ATF1: variants seen among roughly 807,000 people sequenced by gnomAD.
ATF1 encodes the protein activating transcription factor 1, also known as cyclic AMP-dependent transcription factor ATF-1.
A neutral mutation model predicts 34.7 loss-of-function variants in ATF1; 16 were observed. That is an observed-to-expected ratio of 0.46 (90% CI 0.31 to 0.70). The LOEUF (loss-of-function observed/expected upper bound fraction) is 0.70, where lower values mean the gene tolerates loss of function less well. Among genes scored for constraint, ATF1 ranks in the 30% least tolerant of loss-of-function variants. The probability of loss-of-function intolerance (pLI) is 0.05; values close to 1 mark genes in which losing one functional copy is unlikely to be tolerated. For synonymous variants in ATF1, 105 were observed against 113.1 expected (o/e 0.93, Z 0.46); for missense variants, 255 against 321.6 (o/e 0.79, Z 1.58).
intron 1 of ATF1, among the ~76,000 whole-genome samples, chr12:50,768,592 T>A (rs1046844355): frequency 5.3e-5 from 8 of 152,232 alleles, no homozygotes; most frequent in Admixed American, 1.3e-4. Flanking sequence ...GTTATCATCA[T>A]CATCTGTCTT....
At chr12:50,789,040 C>G (rs1413375645) in intron 2 of ATF1, among the ~76,000 whole-genome samples, 1 of 151,698 alleles carries the variant, frequency 6.6e-6, no homozygotes, top group African/African-American at 2.4e-5. Flanking sequence ...GCGACTGATA[C>G]GTAGTTCAGT....
intron 6 of ATF1, among the ~76,000 whole-genome samples, 165 bp from the exon 7 acceptor site, chr12:50,819,470 T>C (rs892228106): frequency 1.3e-5 from 2 of 152,194 alleles, no homozygotes; most frequent in African/African-American, 2.4e-5. Flanking sequence ...GTATACACAA[T>C]TGCCAAAACT....
intron 3 of ATF1, among the ~76,000 whole-genome samples, chr12:50,808,358 C>T (rs1442464378): frequency 6.6e-6 from 1 of 151,812 alleles, no homozygotes; most frequent in African/African-American, 2.4e-5. Flanking sequence ...GATGGAATCT[C>T]ACTCTGTCGC....
chr12:50,814,420 A>T lies in ATF1; in HGVS notation c.652A>T (p.Ile218Leu). The T allele has an allele frequency of 6.2e-7, 1 of 1,614,108 alleles. No individual in the cohort carries two copies. The highest frequency in any genetic ancestry group is 8.5e-7 in the Non-Finnish European group (1 of 1,180,016). ...AGATGACCCCCAATTGAAAAGAGAAATAAGGTTAATGAAAAACAGGTAGGT... is the reference window on the plus strand; with the variant it reads ...AGATGACCCCCAATTGAAAAGAGAATTAAGGTTAATGAAAAACAGGTAGGT... ...KTDDPQLKRE[I>L]RLMKNREAAR... is the part of the protein sequence containing the mutation. The change falls in exon 6 of 7, where the codon ATA becomes TTA. Residue 218 changes from isoleucine to leucine, a missense_variant. Coordinates refer to ENST00000262053, the MANE Select transcript of ATF1 (RefSeq NM_005171.5).
chr12:50,783,920 C>T (rs1471212974), intron 2 of ATF1, among the ~76,000 whole-genome samples: 1 of 150,224 alleles, frequency 6.7e-6, no homozygotes, highest in Non-Finnish European at 1.5e-5. Flanking sequence ...ATAATCCCAG[C>T]ACTTTGGGAT....
Position 50,795,975 on chromosome 12 carries a change from GC to G in ATF1, c.163del (p.His55ThrfsTer4). On this transcript the variant is annotated frameshift_variant, in exon 3 of 7. Coordinates refer to ENST00000262053, the MANE Select transcript of ATF1 (RefSeq NM_005171.5). LOFTEE classifies it high-confidence loss of function. ...CGACAGCATAGGCTCCTCACAGAAA[GC>G]CCACGGGATCCTAGCACGGCGCCCA... The part of the protein sequence containing the change: ...SSDSIGSSQK[A>X]HGILARRPSY... The G allele has an allele frequency of 6.2e-7, 1 of 1,612,756 alleles. No individual in the cohort carries two copies. The highest frequency in any genetic ancestry group is 1.1e-5 in the South Asian group (1 of 90,986).
chr12:50,816,741 A>T (rs1160381749), intron 6 of ATF1, among the ~76,000 whole-genome samples: 1 of 151,998 alleles, frequency 6.6e-6, no homozygotes, highest in Non-Finnish European at 1.5e-5. Flanking sequence ...AAAAATTTAA[A>T]ACATTAGCTA....
At chr12:50,764,833 G>A (rs757441688) in intron 1 of ATF1, among the ~76,000 whole-genome samples, 1 of 152,258 alleles carries the variant, frequency 6.6e-6, no homozygotes, top group Non-Finnish European at 1.5e-5. Flanking sequence ...ACCGACGCAC[G>A]GGCATTGCGC....
At chr12:50,802,207 A>G (rs1175684760) in intron 3 of ATF1, among the ~76,000 whole-genome samples, 1 of 152,244 alleles carries the variant, frequency 6.6e-6, no homozygotes, top group Non-Finnish European at 1.5e-5. Flanking sequence ...ATACTTAGAT[A>G]TGAATTTAAC....
chr12:50,787,694 A>G (rs561316544), intron 2 of ATF1, among the ~76,000 whole-genome samples: 1 of 152,232 alleles, frequency 6.6e-6, no homozygotes, highest in African/African-American at 2.4e-5. Context: ...GTGAGCCAAC[A>G]TCGCACCACT....
At chr12:50,788,597 C>T (rs958969788) in intron 2 of ATF1, among the ~76,000 whole-genome samples, 1 of 152,060 alleles carries the variant, frequency 6.6e-6, no homozygotes, top group Non-Finnish European at 1.5e-5. Context: ...ATCCTCCTGC[C>T]TTTGCCTCCT....
At chr12:50,774,570 T>C (rs1232398030) in intron 1 of ATF1, among the ~76,000 whole-genome samples, 1 of 152,194 alleles carries the variant, frequency 6.6e-6, no homozygotes, top group Non-Finnish European at 1.5e-5. Flanking sequence ...ATTTATTCTG[T>C]ATTGAACAAG....
chr12:50,769,178 A>C (rs1197808580), intron 1 of ATF1, among the ~76,000 whole-genome samples: 1 of 152,192 alleles, frequency 6.6e-6, no homozygotes, highest in African/African-American at 2.4e-5. Flanking sequence ...AAGGCATGGA[A>C]ATGTGGGGTT....
chr12:50,771,796 C>T (rs1382933236), intron 1 of ATF1, among the ~76,000 whole-genome samples: 1 of 152,124 alleles, frequency 6.6e-6, no homozygotes, highest in Non-Finnish European at 1.5e-5. Flanking sequence ...CCGGCCAAAA[C>T]CCACCAAAAC....
intron 3 of ATF1, among the ~76,000 whole-genome samples, chr12:50,809,084 C>G (rs1431979434): frequency 6.6e-6 from 1 of 151,882 alleles, no homozygotes; most frequent in Non-Finnish European, 1.5e-5. Flanking sequence ...TTAGGAATTT[C>G]TTTTTGTGGC....
Position 50,820,902 on chromosome 12 carries a change from TATC to T in ATF1, c.*1126_*1128del, listed in dbSNP as rs552427114. On this transcript the variant is annotated 3_prime_UTR_variant, in exon 7 of 7. Coordinates refer to ENST00000262053, the MANE Select transcript of ATF1 (RefSeq NM_005171.5). ...GTTTAGTAAAATTTGCATCTCAAAG[TATC>T]ATTTTTATATTATGGGACGTTTTCA... The T allele has an allele frequency of 8.9e-5, 16 of 179,498 alleles. No individual in the cohort carries two copies. The South Asian group carries it at 3.0e-3, about 33-fold the overall frequency. 11.1% of individuals were successfully genotyped at this position (179,498 alleles called of 1,614,324 possible).
In ATF1 at chr12:50,806,391, A is replaced by G. The variant is rs1941617537; in HGVS notation, c.195-3065A>G. On this transcript the variant is annotated intron_variant, in intron 3 of 6. Transcript: ENST00000262053. ...AGACACAAAATGCCATAAGGATGAC[A>G]GTTATCAGCAGGATGCTGACAATGG... The G allele has an allele frequency of 5.9e-6, 3 of 506,962 alleles. No individual in the cohort carries two copies. The Admixed American group carries it at 6.0e-5, about 10-fold the overall frequency. 31.4% of individuals were successfully genotyped at this position (506,962 alleles called of 1,614,324 possible). A position where few individuals can be genotyped will look rare whatever the true frequency, so the allele number is the denominator to read the frequency against.
At position 50,814,457 on chromosome 12, in the gene ATF1, AG is replaced by A. The variant is rs1941801605; in HGVS notation, c.671+19del. The A allele has an allele frequency of 6.2e-7, 1 of 1,609,752 alleles. No homozygotes were observed. The highest frequency in any genetic ancestry group is 2.2e-5 in the East Asian group (1 of 44,868). ...AAAAACAGGTAGGTAGTAAAATCGT[AG>A]TACCAGAATGGGTAATGTTTTTACA... On this transcript the variant is annotated intron_variant, in intron 6 of 6. Transcript: ENST00000262053.
At chr12:50,793,633 CA>C (rs10711973) in intron 2 of ATF1, among the ~76,000 whole-genome samples, 105,655 of 118,756 alleles carry the variant, frequency 0.89, 46,874 homozygotes, top group Non-Finnish European at 0.95. Context: ...GACTCCATCT[CA>C]AAAAAAAAAA....
Sources: allele counts gnomAD v4.1 joint callset (sites outside exome capture counted in the v4.1 genomes callset), GRCh38; gene constraint gnomAD v4.1.1; transcripts MANE v1.5; gene names NCBI Gene and HGNC (gene_info 2026-07-23, HGNC 2026-07-21).